The following CNTNAP5 variants were observed in gnomAD, a reference collection of about 807,000 sequenced individuals.
The protein encoded by CNTNAP5 is contactin associated protein family member 5, also known as contactin-associated protein-like 5.
CNTNAP5 carries 72 observed loss-of-function variants against 150.2 expected under a neutral mutation model. The ratio of observed to expected loss-of-function variants is 0.48; its 90% confidence interval spans 0.40 to 0.58. The LOEUF (loss-of-function observed/expected upper bound fraction) is 0.58, where lower values mean the gene tolerates loss of function less well. Among genes scored for constraint, CNTNAP5 ranks in the 20% least tolerant of loss-of-function variants. The probability of loss-of-function intolerance (pLI) is 0.00; values close to 1 mark genes in which losing one functional copy is unlikely to be tolerated. For missense variants in CNTNAP5, 1,636 were observed against 1,626.2 expected, an observed-to-expected ratio of 1.01 and a Z score of -0.10; for synonymous variants, 672 against 619.8, an observed-to-expected ratio of 1.08 and a Z score of -1.25.
At position 124,917,751 on chromosome 2, in the gene CNTNAP5, T is replaced by C. The variant is rs952119033; in HGVS notation, c.*3463T>C. Among the ~76,000 whole-genome samples, 7 of 152,056 alleles carry C rather than the reference T, an allele frequency of 4.6e-5. No homozygotes were observed. The highest frequency in any genetic ancestry group is 1.7e-4 in the African/African-American group (7 of 41,432). On this transcript the variant is annotated 3_prime_UTR_variant, in exon 24 of 24. Transcript: ENST00000682447. The stretch of plus-strand genomic sequence containing the variant: ...TGCCGGGCTAGGCATTGGGTGAACA[T>C]ATATAAATTACACCTTGTTTTTGCC...
chr2:124,623,313 G>C (rs1250062654), intron 12 of CNTNAP5, among the ~76,000 whole-genome samples: 1 of 152,084 alleles, frequency 6.6e-6, no homozygotes, highest in Non-Finnish European at 1.5e-5. Context: ...AAAACACAGG[G>C]ATGGCCATGT....
intron 13 of CNTNAP5, among the ~76,000 whole-genome samples, 161 bp downstream of exon 13, chr2:124,648,119 G>A (rs571789068): frequency 6.6e-6 from 1 of 152,174 alleles, no homozygotes; most frequent in Non-Finnish European, 1.5e-5. Context: ...TAGTAATCCT[G>A]GCTCTGAAAT....
chr2:124,810,442 CA>C (rs2104655891), intron 19 of CNTNAP5, among the ~76,000 whole-genome samples: 1 of 152,102 alleles, frequency 6.6e-6, no homozygotes, highest in South Asian at 2.1e-4. Context: ...CAGTGGAGGG[CA>C]GGGGGAAAGG....
chr2:124,046,188 G>T (rs1238633377), intron 1 of CNTNAP5, among the ~76,000 whole-genome samples: 3 of 152,078 alleles, frequency 2.0e-5, no homozygotes, highest in African/African-American at 7.2e-5. Flanking sequence ...CTGGGGTGCT[G>T]AAGAGAGTGG....
intron 1 of CNTNAP5, among the ~76,000 whole-genome samples, chr2:124,196,805 A>G (rs1685596530): frequency 6.6e-6 from 1 of 152,190 alleles, no homozygotes. Flanking sequence ...CTGTCTCAAA[A>G]GTCCCGTAAC....
At chr2:124,152,839 A>G (rs1684438280) in intron 1 of CNTNAP5, among the ~76,000 whole-genome samples, 1 of 152,194 alleles carries the variant, frequency 6.6e-6, no homozygotes, top group African/African-American at 2.4e-5. Context: ...CTTGGCAATC[A>G]TAATTCTCCT....
intron 1 of CNTNAP5, among the ~76,000 whole-genome samples, chr2:124,139,522 G>A (rs1158754418): frequency 6.6e-6 from 1 of 152,118 alleles, no homozygotes; most frequent in African/African-American, 2.4e-5. Context: ...GTTTACTTCA[G>A]AGGAGGAACA....
At chr2:124,178,093 C>A (rs578163663) in intron 1 of CNTNAP5, among the ~76,000 whole-genome samples, 1 of 151,964 alleles carries the variant, frequency 6.6e-6, no homozygotes, top group Non-Finnish European at 1.5e-5. Context: ...GTGATCCACC[C>A]GCCTCGGCCT....
chr2:124,655,465 G>A (rs944000638), intron 13 of CNTNAP5, among the ~76,000 whole-genome samples: 26 of 151,932 alleles, frequency 1.7e-4, no homozygotes, highest in African/African-American at 4.8e-4. Context: ...ACGTGTGCAT[G>A]TGTCTTTATA....
chr2:124,863,532 TCTC>T (rs1677567880), intron 19 of CNTNAP5, among the ~76,000 whole-genome samples: 1 of 152,218 alleles, frequency 6.6e-6, no homozygotes, highest in African/African-American at 2.4e-5. Flanking sequence ...ATAGAGAGCT[TCTC>T]CTTCTGGCCT....
intron 3 of CNTNAP5, among the ~76,000 whole-genome samples, chr2:124,338,090 T>G (rs1689522416): frequency 6.6e-6 from 1 of 152,212 alleles, no homozygotes; most frequent in Non-Finnish European, 1.5e-5. Flanking sequence ...ACATCCCTTG[T>G]AAGTTGGATT....
At chr2:124,659,386 A>G (rs937799691) in intron 13 of CNTNAP5, among the ~76,000 whole-genome samples, 2 of 152,184 alleles carry the variant, frequency 1.3e-5, no homozygotes, top group African/African-American at 4.8e-5. Context: ...CTGGTAAATC[A>G]TTATCTTGGA....
At chr2:124,640,274 C>T (rs1265219327) in intron 12 of CNTNAP5, among the ~76,000 whole-genome samples, 1 of 152,084 alleles carries the variant, frequency 6.6e-6, no homozygotes, top group Non-Finnish European at 1.5e-5. Flanking sequence ...AAAAATTACC[C>T]CCCTGAAAAG....
chr2:124,399,715 C>A (rs763989808), intron 3 of CNTNAP5, among the ~76,000 whole-genome samples: 2 of 152,146 alleles, frequency 1.3e-5, no homozygotes, highest in Non-Finnish European at 2.9e-5. Flanking sequence ...TGACTTTCTG[C>A]GGTATGGAAT....
At chr2:124,729,287 T>C (rs192649809) in intron 13 of CNTNAP5, among the ~76,000 whole-genome samples, 1 of 152,122 alleles carries the variant, frequency 6.6e-6, no homozygotes, top group East Asian at 1.9e-4. Context: ...TTTTTATTAA[T>C]GTAATACAAT....
At chr2:124,445,003 A>G (rs771124792) in intron 5 of CNTNAP5, among the ~76,000 whole-genome samples, 3 of 152,050 alleles carry the variant, frequency 2.0e-5, no homozygotes, top group South Asian at 2.1e-4. Flanking sequence ...TTCAGAGAGG[A>G]CAGTATACCT....
chr2:124,706,874 G>A (rs1277367639), intron 13 of CNTNAP5, among the ~76,000 whole-genome samples: 1 of 104,082 alleles, frequency 9.6e-6, no homozygotes, highest in Non-Finnish European at 1.9e-5. Flanking sequence ...GAAGGGGAAA[G>A]GGAAGAAGAA....
At chr2:124,533,406 G>A (rs1022185271) in intron 10 of CNTNAP5, among the ~76,000 whole-genome samples, 23 of 152,270 alleles carry the variant, frequency 1.5e-4, no homozygotes, top group Non-Finnish European at 2.1e-4. Context: ...TAAGAAATTC[G>A]TGTGTGATGC....
intron 13 of CNTNAP5, among the ~76,000 whole-genome samples, chr2:124,699,763 C>A (rs1385536760): frequency 6.6e-6 from 1 of 151,898 alleles, no homozygotes; most frequent in Non-Finnish European, 1.5e-5. Flanking sequence ...GTTTCAGAGT[C>A]CTATAATTTG....
Sources: gnomAD v4.1 joint callset for allele counts (sites outside exome capture counted in the v4.1 genomes callset) on GRCh38, gnomAD v4.1.1 for gene constraint, MANE v1.5 for transcripts, NCBI Gene and HGNC (gene_info 2026-07-23, HGNC 2026-07-21) for gene names.